Variants in DEPDC5 observed in about 807,000 individuals in gnomAD.
The protein encoded by DEPDC5 is GATOR1 complex protein DEPDC5.
A neutral mutation model predicts 217.3 loss-of-function variants in DEPDC5; 73 were observed. The observed-to-expected ratio is 0.34, with a 90% CI of 0.28 to 0.41. DEPDC5 has a LOEUF of 0.41. Among genes scored for constraint, DEPDC5 ranks in the 10% least tolerant of loss-of-function variants. The pLI is 1.00. For synonymous variants in DEPDC5, 733 were observed against 756.7 expected (o/e 0.97, Z 0.51); for missense variants, 1,675 against 2,070.1 (o/e 0.81, Z 3.70).
intron 8 of DEPDC5, among the ~76,000 whole-genome samples, chr22:31,782,664 A>G (rs930040965): frequency 6.6e-6 from 1 of 152,186 alleles, no homozygotes; most frequent in African/African-American, 2.4e-5. Context: ...CACCTGGCAC[A>G]TCTTAGCCCA....
chr22:31,753,979 A>C (rs1036135399), upstream of DEPDC5: 2 of 152,432 alleles, frequency 1.3e-5, no homozygotes, highest in Admixed American at 1.3e-4. Context: ...GAGCCACCGG[A>C]GCGGCGCGGG....
intron 7 of DEPDC5, among the ~76,000 whole-genome samples, chr22:31,772,396 G>T (rs1262884152): frequency 6.6e-6 from 1 of 152,178 alleles, no homozygotes; most frequent in African/African-American, 2.4e-5. Flanking sequence ...GGGTCAGGAA[G>T]CCTGGATCTG....
intron 12 of DEPDC5, among the ~76,000 whole-genome samples, chr22:31,793,935 T>C (rs1278375130): frequency 6.6e-6 from 1 of 152,156 alleles, no homozygotes; most frequent in Non-Finnish European, 1.5e-5. Context: ...GGACTTAGCA[T>C]GAATGGGTTA....
At position 31,804,147 on chromosome 22, in the gene DEPDC5, C is replaced by T. The variant is rs758013228; in HGVS notation, c.1082-15C>T. On this transcript the variant is annotated splice_polypyrimidine_tract_variant and intron_variant, in intron 15 of 42. Coordinates refer to ENST00000651528, the MANE Select transcript of DEPDC5 (RefSeq NM_001242896.3). ...ATTCCCTCCCCACAATTCTTTTTGT[C>T]TTTTCTTTTTTTAGGAATTGGTGTG... 1 of 1,613,638 alleles carries T rather than the reference C, an allele frequency of 6.2e-7. No individual in the cohort carries two copies. Among genetic ancestry groups the T allele is most frequent in the Non-Finnish European group, 8.5e-7 (1 of 1,179,736 alleles).
rs754499843 is a variant in DEPDC5 at position 31,821,560 on chromosome 22, A to G, written c.1929A>G (p.Leu643=). The G allele has an allele frequency of 7.4e-6, 12 of 1,614,224 alleles. 1 individual carries two copies. In the South Asian group the frequency reaches 9.9e-5, roughly 13 times the overall value. Residue 643 remains leucine, a synonymous_variant, in exon 23 of 43, where the codon CTA becomes CTG. Coordinates refer to ENST00000651528, the MANE Select transcript of DEPDC5 (RefSeq NM_001242896.3). ...HHQTRQNMAE[L]QGSGQRDPTH... The stretch of plus-strand genomic sequence containing the variant: ...AGACCCGACAGAATATGGCGGAGCT[A>G]CAAGGCAGCGGGCAGAGGGATCCAA...
Position 31,795,258 on chromosome 22 carries a change from C to T in DEPDC5, c.768-2342C>T, listed in dbSNP as rs562473650. Among the ~76,000 whole-genome samples, 301 of 151,570 alleles carry T rather than the reference C, an allele frequency of 2.0e-3. 2 individuals carry two copies. Among genetic ancestry groups the T allele is most frequent in the Non-Finnish European group, 3.0e-3 (206 of 67,870 alleles). ...CTAATTTTTTTATTTTTAGTAGAGA[C>T]GGGGTTTCACCATCTTGGCCAGGCT... On this transcript the variant is annotated intron_variant, in intron 12 of 42. Transcript: ENST00000651528.
In DEPDC5 at chr22:31,838,379, C is replaced by A. The variant is rs945240517; in HGVS notation, c.2355-306C>A. Among the ~76,000 whole-genome samples, 3 of 152,074 alleles carry A rather than the reference C, an allele frequency of 2.0e-5. No individual in the cohort carries two copies. The East Asian group carries it at 5.8e-4, about 29-fold the overall frequency. ...TGGCTCACTGCAACCTCTGCTGGGA[C>A]TACAAGCGCGTGCCACCATACTTGG... is the stretch of plus-strand genomic sequence containing the variant. On this transcript the variant is annotated intron_variant, in intron 26 of 42. Transcript: ENST00000651528.
At chr22:31,791,991 A>G (rs914560319) in intron 10 of DEPDC5, 42 bp from the exon 11 acceptor site, 21 of 1,375,236 alleles carry the variant, frequency 1.5e-5, no homozygotes, top group Non-Finnish European at 2.2e-5. Flanking sequence ...AGTGAAGTAA[A>G]TGAAACAAAC....
intron 11 of DEPDC5, 58 bp from the exon 12 acceptor site, chr22:31,792,687 G>T: frequency 1.6e-6 from 2 of 1,286,840 alleles, no homozygotes; most frequent in South Asian, 2.9e-5. Context: ...AGAGGAAGCT[G>T]ACAAAACTGA....
chr22:31,790,776 T>C (rs1053832168), intron 10 of DEPDC5, among the ~76,000 whole-genome samples: 1 of 147,436 alleles, frequency 6.8e-6, no homozygotes, highest in African/African-American at 2.5e-5. Context: ...AGACGGAGTC[T>C]CGCTCCGTCG....
At position 31,898,833 on chromosome 22, in the gene DEPDC5, A is replaced by T. The variant is rs372908676; in HGVS notation, c.4375+1180A>T. ...AGGCCCTACCTGCTGGGGGCTATAG[A>T]CTGTGGGACACACAGAGCTTACAAA... On this transcript the variant is annotated intron_variant, in intron 40 of 42. Transcript: ENST00000651528. Among the ~76,000 whole-genome samples the T allele has an allele frequency of 2.0e-5, 3 of 152,206 alleles. No individual in the cohort carries two copies. In the East Asian group the frequency reaches 5.8e-4, roughly 29 times the overall value.
At chr22:31,768,965 AATGTTAG>A (rs1390290419) in intron 7 of DEPDC5, 102 bp downstream of exon 7, 3 of 1,467,718 alleles carry the variant, frequency 2.0e-6, no homozygotes, top group Non-Finnish European at 2.8e-6. Flanking sequence ...AAAAGTATAA[AATGTTAG>A]ATTGTTGGCT....
chr22:31,788,698 C>A (rs144474176), intron 10 of DEPDC5, among the ~76,000 whole-genome samples: 1 of 151,702 alleles, frequency 6.6e-6, no homozygotes, highest in African/African-American at 2.4e-5. Context: ...TTCAGCCTCC[C>A]GAATAGCTGA....
intron 22 of DEPDC5, 71 bp downstream of exon 22, chr22:31,819,296 A>T (rs1158339477): frequency 8.4e-6 from 13 of 1,549,756 alleles, no homozygotes; most frequent in Non-Finnish European, 1.1e-5. Flanking sequence ...TCGGTCACCC[A>T]TGTGTCCTTG....
intron 36 of DEPDC5, 42 bp downstream of exon 36, chr22:31,874,447 C>G: frequency 6.4e-7 from 1 of 1,565,396 alleles, no homozygotes; most frequent in Non-Finnish European, 8.6e-7. Context: ...TTGCTTAGGT[C>G]CCGAAAAATC....
chr22:31,864,302 G>A (rs1413654954), intron 33 of DEPDC5, among the ~76,000 whole-genome samples: 2 of 150,950 alleles, frequency 1.3e-5, no homozygotes, highest in African/African-American at 2.4e-5. Flanking sequence ...TAGAAATGGG[G>A]TTTCACCATG....
chr22:31,799,067 TG>T (rs1348873562), intron 14 of DEPDC5, among the ~76,000 whole-genome samples: 8 of 149,986 alleles, frequency 5.3e-5, no homozygotes, highest in Non-Finnish European at 1.0e-4. Context: ...TTTTTTGAGA[TG>T]GAGTCTTGCT....
intron 37 of DEPDC5, among the ~76,000 whole-genome samples, chr22:31,877,494 G>A (rs1426107390): frequency 7.8e-6 from 1 of 127,426 alleles, no homozygotes; most frequent in African/African-American, 3.0e-5. Flanking sequence ...GCTCACGCTT[G>A]TAATCCCAAC....
chr22:31,840,861 C>T (rs1443829889), intron 27 of DEPDC5, among the ~76,000 whole-genome samples: 1 of 152,182 alleles, frequency 6.6e-6, no homozygotes, highest in Non-Finnish European at 1.5e-5. Context: ...CATCAGCCCT[C>T]CCCTCAGAGT....
Sources: allele counts gnomAD v4.1 joint callset (sites outside exome capture counted in the v4.1 genomes callset), GRCh38; gene constraint gnomAD v4.1.1; transcripts MANE v1.5; gene names NCBI Gene and HGNC (gene_info 2026-07-23, HGNC 2026-07-21).